The following GSE1 variants were observed in gnomAD, a reference collection of about 807,000 sequenced individuals.
GSE1 encodes the protein genetic suppressor element 1.
In GSE1, 32 loss-of-function variants were observed where a neutral mutation model predicts 112.6. That is an observed-to-expected ratio of 0.28 (90% CI 0.21 to 0.38). The LOEUF is 0.38. Among genes scored for constraint, GSE1 ranks in the 10% least tolerant of loss-of-function variants. The pLI is 1.00. For synonymous variants in GSE1, 1,115 were observed against 735.6 expected, an observed-to-expected ratio of 1.52 and a Z score of -8.35; for missense variants, 2,348 against 1,699.2, an observed-to-expected ratio of 1.38 and a Z score of -6.71.
chr16:85,334,213 G>A (rs991226906), intron 1 of GSE1, among the ~76,000 whole-genome samples: 14 of 152,182 alleles, frequency 9.2e-5, no homozygotes, highest in Admixed American at 2.0e-4. Context: ...TACTGCCCAC[G>A]GACCTTGCAG....
chr16:85,561,617 C>T (rs1350443598), intron 1 of GSE1, among the ~76,000 whole-genome samples: 1 of 152,224 alleles, frequency 6.6e-6, no homozygotes, highest in East Asian at 1.9e-4. Context: ...TGGCCCATAG[C>T]CATGAAGCCT....
chr16:85,555,563 C>A, upstream of GSE1: 4 of 959,360 alleles, frequency 4.2e-6, no homozygotes, highest in Non-Finnish European at 5.0e-6. Flanking sequence ...CTCCCCTCTC[C>A]CGCTCGCCCC....
At chr16:85,541,806 CT>C (rs2044528502) in intron 2 of GSE1, among the ~76,000 whole-genome samples, 1 of 152,220 alleles carries the variant, frequency 6.6e-6, no homozygotes, top group Admixed American at 6.5e-5. Context: ...GGCCACGTCC[CT>C]GCCTCGCTGC....
chr16:85,227,211 C>T (rs943556608), intron 1 of GSE1, among the ~76,000 whole-genome samples: 9 of 152,214 alleles, frequency 5.9e-5, no homozygotes, highest in African/African-American at 1.7e-4. Context: ...ATGAACAAAA[C>T]AGCCCCTGCT....
At chr16:85,593,145 G>A (rs1429291079) in intron 1 of GSE1, 1 of 152,394 alleles carries the variant, frequency 6.6e-6, no homozygotes, top group Non-Finnish European at 1.5e-5. Context: ...GTCAGTCACA[G>A]AGCTGGGGGC....
intron 2 of GSE1, among the ~76,000 whole-genome samples, chr16:85,394,487 C>T (rs2047921823): frequency 6.6e-6 from 1 of 152,126 alleles, no homozygotes; most frequent in Non-Finnish European, 1.5e-5. Context: ...TGGGTGGTTC[C>T]TCGGATGAGC....
intron 2 of GSE1, among the ~76,000 whole-genome samples, chr16:85,535,822 C>T (rs780552541): frequency 3.3e-5 from 5 of 152,244 alleles, no homozygotes; most frequent in East Asian, 3.8e-4. Context: ...GCAGGGCCAG[C>T]GGACCTTCTT....
intron 2 of GSE1, among the ~76,000 whole-genome samples, chr16:85,374,040 C>G (rs2047359829): frequency 6.6e-6 from 1 of 152,162 alleles, no homozygotes; most frequent in Admixed American, 6.5e-5. Context: ...GTACCTGTGT[C>G]TGTGTGCACA....
At chr16:85,235,576 TG>T (rs11324376) in intron 1 of GSE1, among the ~76,000 whole-genome samples, 59,119 of 114,524 alleles carry the variant, frequency 0.52, 15,059 homozygotes, top group African/African-American at 0.6. Flanking sequence ...TGTGTGTGGG[TG>T]GGGGGGGGGC....
intron 1 of GSE1, among the ~76,000 whole-genome samples, chr16:85,621,734 G>C (rs1228030948): frequency 3.4e-4 from 52 of 152,190 alleles, no homozygotes; most frequent in Admixed American, 3.4e-3. Flanking sequence ...GTGGACCCTG[G>C]GGTTTTGTGT....
chr16:85,629,178 C>T (rs957924067), intron 1 of GSE1, among the ~76,000 whole-genome samples: 21 of 152,228 alleles, frequency 1.4e-4, no homozygotes, highest in Non-Finnish European at 2.8e-4. Flanking sequence ...TTCCTGTACA[C>T]CCCACAGAGT....
At chr16:85,584,555 C>T (rs1045530377) in intron 1 of GSE1, among the ~76,000 whole-genome samples, 5 of 152,202 alleles carry the variant, frequency 3.3e-5, no homozygotes, top group Admixed American at 6.5e-5. Flanking sequence ...GCAGTAGGAT[C>T]GGGGAGGTGG....
intron 1 of GSE1, among the ~76,000 whole-genome samples, chr16:85,237,304 C>G (rs893070706): frequency 6.6e-6 from 1 of 152,020 alleles, no homozygotes; most frequent in Non-Finnish European, 1.5e-5. Flanking sequence ...GCCTGGGCGA[C>G]AGAGCAAGAG....
At chr16:85,259,227 G>A (rs945833553) in intron 1 of GSE1, among the ~76,000 whole-genome samples, 3 of 152,136 alleles carry the variant, frequency 2.0e-5, no homozygotes, top group Non-Finnish European at 2.9e-5. Flanking sequence ...CCTCCCGGCT[G>A]CCCATCCGCA....
chr16:85,482,977 C>CAAAAAAAAAAAA (rs3054201), intron 2 of GSE1, among the ~76,000 whole-genome samples: 2 of 48,268 alleles, frequency 4.1e-5, no homozygotes, highest in African/African-American at 1.4e-4. Flanking sequence ...GACTCCGTCT[C>CAAAAAAAAAAAA]AAAAAAAAAA....
At chr16:85,498,056 G>A (rs1597962323) in intron 2 of GSE1, among the ~76,000 whole-genome samples, 1 of 152,146 alleles carries the variant, frequency 6.6e-6, no homozygotes, top group East Asian at 1.9e-4. Context: ...GGGTGGGGGT[G>A]GGGTGGGTGC....
intron 1 of GSE1, among the ~76,000 whole-genome samples, chr16:85,212,432 C>A (rs1044034890): frequency 2.6e-5 from 4 of 151,988 alleles, no homozygotes; most frequent in African/African-American, 9.7e-5. Flanking sequence ...AAAAACAAAC[C>A]TGGGGTAGAA....
At chr16:85,555,946 T>TC, upstream of GSE1, 1 of 976,808 alleles carries the variant, frequency 1.0e-6, no homozygotes, top group South Asian at 4.8e-5. Context: ...TCCGCCGCGC[T>TC]CCCCCCTCCT....
At chr16:85,172,648 T>C (rs2074380967) in intron 1 of GSE1, among the ~76,000 whole-genome samples, 2 of 152,228 alleles carry the variant, frequency 1.3e-5, no homozygotes, top group African/African-American at 2.4e-5. Context: ...CACCGGGGCA[T>C]GGATGCTCAT....
Sources: gnomAD v4.1 joint callset for allele counts (sites outside exome capture counted in the v4.1 genomes callset) on GRCh38, gnomAD v4.1.1 for gene constraint, MANE v1.5 for transcripts, NCBI Gene and HGNC (gene_info 2026-07-23, HGNC 2026-07-21) for gene names.